The following SNX7 variants were observed in gnomAD, a reference collection of about 807,000 sequenced individuals.
The protein encoded by SNX7 is sorting nexin 7.
Under a neutral mutation model 48.4 loss-of-function variants are expected in SNX7, and 35 were observed. The ratio of observed to expected loss-of-function variants is 0.72; its 90% CI spans 0.55 to 0.96. The LOEUF (loss-of-function observed/expected upper bound fraction) is 0.96, where lower values mean the gene tolerates loss of function less well. Ranked by LOEUF, SNX7 falls within the 40% of genes least tolerant of loss-of-function variation. The pLI is 0.00. For missense variants in SNX7, 553 were observed against 548.9 expected, an observed-to-expected ratio of 1.01 and a Z score of -0.07; for synonymous variants, 190 against 190.2, an observed-to-expected ratio of 1.00 and a Z score of 0.01.
At chr1:98,671,892 GT>G (rs1448800697) in intron 1 of SNX7, among the ~76,000 whole-genome samples, 4 of 151,924 alleles carry the variant, frequency 2.6e-5, no homozygotes, top group African/African-American at 4.8e-5. Context: ...TTTTAGATAA[GT>G]TTTTAAGATA....
chr1:98,663,924 A>G (rs1649404110), intron 1 of SNX7, among the ~76,000 whole-genome samples: 1 of 152,208 alleles, frequency 6.6e-6, no homozygotes, highest in African/African-American at 2.4e-5. Context: ...CAACAAGAGT[A>G]GTTGGAAAAG....
intron 7 of SNX7, among the ~76,000 whole-genome samples, chr1:98,708,446 C>T (rs1652127989): frequency 6.6e-6 from 1 of 152,162 alleles, no homozygotes; most frequent in South Asian, 2.1e-4. Context: ...TTATCAGCTA[C>T]AATACACACC....
intron 7 of SNX7, among the ~76,000 whole-genome samples, chr1:98,717,029 T>A (rs1054914180): frequency 1.3e-5 from 2 of 152,082 alleles, no homozygotes; most frequent in African/African-American, 4.8e-5. Flanking sequence ...AAACTTGGAT[T>A]TCATAATAAA....
At chr1:98,731,438 C>T (rs561438785) in intron 7 of SNX7, among the ~76,000 whole-genome samples, 1 of 152,146 alleles carries the variant, frequency 6.6e-6, no homozygotes, top group South Asian at 2.1e-4. Context: ...TCAGAATTCC[C>T]TCATGTTGCC....
In SNX7 at chr1:98,677,042, G is replaced by A. The variant is rs568548734; in HGVS notation, c.181-7843G>A. Among the ~76,000 whole-genome samples the A allele has an allele frequency of 8.5e-5, 13 of 152,176 alleles. No homozygotes were observed. In the East Asian group the frequency reaches 2.3e-3, roughly 27 times the overall value. ...ACACATAACAACAGACAAAACTTTT[G>A]ATTCCAACATCTGTATCACTACTTT... On this transcript the variant is annotated intron_variant, in intron 1 of 8. Coordinates refer to ENST00000306121, the MANE Select transcript of SNX7 (RefSeq NM_015976.5).
intron 1 of SNX7, among the ~76,000 whole-genome samples, chr1:98,670,777 G>C (rs1349247569): frequency 1.3e-5 from 2 of 152,046 alleles, no homozygotes; most frequent in Non-Finnish European, 2.9e-5. Flanking sequence ...CCTGTATTTG[G>C]AAAGGGGATT....
chr1:98,691,752 T>C, intron 4 of SNX7, 53 bp downstream of exon 4: 1 of 1,361,820 alleles, frequency 7.3e-7, no homozygotes, highest in South Asian at 1.6e-5. Flanking sequence ...GTATCTATAG[T>C]AGATTGTATT....
intron 7 of SNX7, among the ~76,000 whole-genome samples, chr1:98,705,312 G>A (rs543740334): frequency 6.6e-6 from 1 of 152,222 alleles, no homozygotes; most frequent in South Asian, 2.1e-4. Context: ...TGTCATCTAA[G>A]CTTTGGAACT....
intron 7 of SNX7, among the ~76,000 whole-genome samples, chr1:98,712,612 G>C (rs1652373912): frequency 6.6e-6 from 1 of 152,136 alleles, no homozygotes; most frequent in African/African-American, 2.4e-5. Context: ...TAGAGCACAG[G>C]CAGAGTAGAT....
intron 2 of SNX7, among the ~76,000 whole-genome samples, chr1:98,690,114 G>A (rs917259850): frequency 2.6e-5 from 4 of 152,106 alleles, no homozygotes; most frequent in Admixed American, 1.3e-4. Context: ...GTACATCTGT[G>A]TGGGTGATGG....
At position 98,740,236 on chromosome 1, in the gene SNX7, TAAAG is replaced by T. The variant is rs1405825162; in HGVS notation, c.1278+1848_1278+1851del. On this transcript the variant is annotated intron_variant, in intron 8 of 8. Transcript: ENST00000306121. ...AATGATATAAAGTATTTCTTTTTAA[TAAAG>T]CACATTTATCAACATAAGGCTTTAT... 2.0e-5 allele frequency among the ~76,000 whole-genome samples: 3 copies of T among 152,338 alleles called. No individual in the cohort carries two copies. In the East Asian group the frequency reaches 5.8e-4, roughly 29 times the overall value.
intron 1 of SNX7, among the ~76,000 whole-genome samples, chr1:98,666,284 A>G (rs953005548): frequency 6.6e-6 from 1 of 152,236 alleles, no homozygotes; most frequent in African/African-American, 2.4e-5. Context: ...AGCTATTAGC[A>G]TCCCTAGCTT....
chr1:98,688,236 A>G (rs565348340), intron 2 of SNX7, among the ~76,000 whole-genome samples: 5 of 152,326 alleles, frequency 3.3e-5, no homozygotes, highest in Admixed American at 1.3e-4. Flanking sequence ...TACATGGACA[A>G]TCACCTATTT....
At chr1:98,708,829 G>A (rs1652150118) in intron 7 of SNX7, among the ~76,000 whole-genome samples, 1 of 152,080 alleles carries the variant, frequency 6.6e-6, no homozygotes, top group Non-Finnish European at 1.5e-5. Context: ...TGATTAAATT[G>A]CAAAAATCAC....
chr1:98,666,085 A>G (rs1224808925), intron 1 of SNX7, among the ~76,000 whole-genome samples: 3 of 152,146 alleles, frequency 2.0e-5, no homozygotes, highest in African/African-American at 7.2e-5. Flanking sequence ...CTAATTTCTC[A>G]CATATATTCT....
At chr1:98,723,435 T>G (rs1652993121) in intron 7 of SNX7, among the ~76,000 whole-genome samples, 1 of 150,064 alleles carries the variant, frequency 6.7e-6, no homozygotes, top group Admixed American at 6.7e-5. Flanking sequence ...TTATCATAAA[T>G]TTTGTATTTT....
chr1:98,759,819 C>T (rs1655025506), intron 8 of SNX7, among the ~76,000 whole-genome samples: 1 of 152,044 alleles, frequency 6.6e-6, no homozygotes, highest in Admixed American at 6.6e-5. Context: ...TAGATTATTT[C>T]AGCAAACTAA....
chr1:98,717,228 C>A (rs894855957), intron 7 of SNX7, among the ~76,000 whole-genome samples: 1 of 152,088 alleles, frequency 6.6e-6, no homozygotes. Flanking sequence ...ACACGATGTG[C>A]CAGGCAGAGT....
intron 5 of SNX7, 146 bp downstream of exon 5, chr1:98,695,862 T>G: frequency 1.5e-6 from 1 of 650,084 alleles, no homozygotes; most frequent in Non-Finnish European, 2.7e-6. Context: ...CATTTCTGAT[T>G]CCTAAATGAT....
Sources: gnomAD v4.1 joint callset for allele counts (sites outside exome capture counted in the v4.1 genomes callset) on GRCh38, gnomAD v4.1.1 for gene constraint, MANE v1.5 for transcripts, NCBI Gene and HGNC (gene_info 2026-07-23, HGNC 2026-07-21) for gene names.